The following RAD51B variants were observed in gnomAD, a reference collection of about 807,000 sequenced individuals.
RAD51B encodes the protein DNA repair protein RAD51 homolog 2.
RAD51B carries 38 observed loss-of-function variants against 42.2 expected under a neutral mutation model. The observed-to-expected ratio is 0.90, with a 90% CI of 0.70 to 1.18. The LOEUF (loss-of-function observed/expected upper bound fraction) is 1.18, where lower values mean the gene tolerates loss of function less well. Ranked by LOEUF, RAD51B falls within the 50% of genes most tolerant of loss-of-function variation. RAD51B has a pLI of 0.00. For synonymous variants in RAD51B, 154 were observed against 145.2 expected (o/e 1.06, Z -0.43); for missense variants, 373 against 400.7 (o/e 0.93, Z 0.59).
chr14:67,830,438 G>C (rs1285049626), intron 3 of RAD51B, among the ~76,000 whole-genome samples: 1 of 152,090 alleles, frequency 6.6e-6, no homozygotes. Flanking sequence ...GTCTCGCACT[G>C]TTGCCCAGGC....
At chr14:68,102,715 G>A (rs1305072751) in intron 7 of RAD51B, among the ~76,000 whole-genome samples, 2 of 152,096 alleles carry the variant, frequency 1.3e-5, no homozygotes, top group Non-Finnish European at 2.9e-5. Context: ...CCTCCAAACT[G>A]TTCCAAACCC....
At chr14:68,457,794 T>C (rs935666931) in intron 9 of RAD51B, among the ~76,000 whole-genome samples, 1 of 148,388 alleles carries the variant, frequency 6.7e-6, no homozygotes, top group Non-Finnish European at 1.5e-5. Flanking sequence ...TTTTTTTTTT[T>C]AGTAGAGACA....
chr14:68,356,138 T>A lies in RAD51B; in HGVS notation c.854-55286T>A, dbSNP rs143641574. Among the ~76,000 whole-genome samples, 1,155 of 146,856 alleles carry A rather than the reference T, an allele frequency of 7.9e-3. 43 individuals are homozygous for A. The highest frequency in any genetic ancestry group is 0.055 in the Admixed American group (818 of 14,908). Reference sequence around the variant, plus strand: ...ACATTTTTTGGTTTCCCAGTGCATATAAAAGTTATGTTGGCCGGGCGCGGT... The same window carrying A: ...ACATTTTTTGGTTTCCCAGTGCATAAAAAAGTTATGTTGGCCGGGCGCGGT... On this transcript the variant is annotated intron_variant, in intron 8 of 10. Coordinates refer to ENST00000471583, the MANE Select transcript of RAD51B (RefSeq NM_133510.4).
intron 7 of RAD51B, among the ~76,000 whole-genome samples, chr14:68,123,101 T>A (rs1254085388): frequency 6.6e-6 from 1 of 152,238 alleles, no homozygotes; most frequent in Non-Finnish European, 1.5e-5. Context: ...TTTTATGTTT[T>A]ATCATTTTCA....
chr14:68,079,595 G>A (rs1056817954), intron 7 of RAD51B, among the ~76,000 whole-genome samples: 3 of 152,104 alleles, frequency 2.0e-5, no homozygotes, highest in African/African-American at 4.8e-5. Flanking sequence ...GAATGAGCCT[G>A]CCTTTCAAAT....
intron 10 of RAD51B, among the ~76,000 whole-genome samples, chr14:68,515,848 T>C (rs1337047260): frequency 6.7e-6 from 1 of 149,478 alleles, no homozygotes; most frequent in Non-Finnish European, 1.5e-5. Flanking sequence ...TGCAGTGGCA[T>C]GATCTCGGCT....
intron 7 of RAD51B, among the ~76,000 whole-genome samples, chr14:68,145,082 A>G (rs1309286999): frequency 6.6e-6 from 1 of 152,226 alleles, no homozygotes; most frequent in Non-Finnish European, 1.5e-5. Flanking sequence ...AGAGCTGGAA[A>G]AGCCATTAAA....
chr14:68,576,773 G>A (rs911193074), intron 10 of RAD51B, among the ~76,000 whole-genome samples: 5 of 152,196 alleles, frequency 3.3e-5, no homozygotes, highest in Admixed American at 3.3e-4. Context: ...TAGTAAGGAA[G>A]GGGTCAGAGG....
At chr14:68,633,533 G>C (rs1892280007) in intron 10 of RAD51B, among the ~76,000 whole-genome samples, 1 of 152,204 alleles carries the variant, frequency 6.6e-6, no homozygotes, top group African/African-American at 2.4e-5. Context: ...CTGACCGTGA[G>C]AGTGCAGCTG....
intron 7 of RAD51B, among the ~76,000 whole-genome samples, chr14:67,997,719 A>G (rs1330525703): frequency 6.6e-6 from 1 of 152,104 alleles, no homozygotes; most frequent in African/African-American, 2.4e-5. Flanking sequence ...CAGCCTACCC[A>G]TGGTACTGTA....
intron 9 of RAD51B, among the ~76,000 whole-genome samples, chr14:68,424,308 G>T (rs986518194): frequency 2.6e-5 from 4 of 152,022 alleles, no homozygotes; most frequent in Non-Finnish European, 5.9e-5. Flanking sequence ...TATTATCCCA[G>T]CATCCTAATG....
intron 10 of RAD51B, among the ~76,000 whole-genome samples, chr14:68,550,564 G>A (rs1027247325): frequency 5.3e-5 from 8 of 152,240 alleles, no homozygotes; most frequent in African/African-American, 1.9e-4. Context: ...ACAGCATTTT[G>A]CCTGTTGGAA....
At chr14:68,022,482 G>A (rs964823846) in intron 7 of RAD51B, among the ~76,000 whole-genome samples, 26 of 152,066 alleles carry the variant, frequency 1.7e-4, no homozygotes, top group Non-Finnish European at 8.8e-5. Context: ...TGGTAGCTCT[G>A]TTTTAAGTTC....
At chr14:68,313,517 C>T (rs995759356) in intron 8 of RAD51B, among the ~76,000 whole-genome samples, 3 of 152,180 alleles carry the variant, frequency 2.0e-5, no homozygotes, top group Admixed American at 6.5e-5. Flanking sequence ...CCTTTAGTTC[C>T]GCTGCTGTCT....
chr14:68,472,957 T>C (rs969768749), intron 10 of RAD51B, among the ~76,000 whole-genome samples: 2 of 152,234 alleles, frequency 1.3e-5, no homozygotes, highest in Non-Finnish European at 2.9e-5. Flanking sequence ...CTTCTGTTTG[T>C]TCCCTTGTCA....
At chr14:68,582,247 A>G (rs1445254818) in intron 10 of RAD51B, among the ~76,000 whole-genome samples, 3 of 152,226 alleles carry the variant, frequency 2.0e-5, no homozygotes, top group Admixed American at 2.0e-4. Context: ...GAACATTTTT[A>G]CAATCTATCC....
At chr14:68,140,652 G>T (rs552572590) in intron 7 of RAD51B, among the ~76,000 whole-genome samples, 1 of 152,324 alleles carries the variant, frequency 6.6e-6, no homozygotes, top group African/African-American at 2.4e-5. Flanking sequence ...TCACTTTCAA[G>T]GTTCACTAAT....
chr14:68,384,944 A>G (rs951553792), intron 8 of RAD51B, among the ~76,000 whole-genome samples: 2 of 152,214 alleles, frequency 1.3e-5, no homozygotes, highest in Non-Finnish European at 2.9e-5. Context: ...CTCTGTGGCC[A>G]TGACCTTCTG....
rs556766817 is a variant in RAD51B at position 68,329,074 on chromosome 14, T to A, written c.853+37094T>A. On this transcript the variant is annotated intron_variant, in intron 8 of 10. Transcript: ENST00000471583. ...CCCAGGCTGGAGTGCAGTGGCATGA[T>A]CATAGCACACTATAACTTCACACTC... Among the ~76,000 whole-genome samples, 13 of 152,334 alleles carry A rather than the reference T, an allele frequency of 8.5e-5. No homozygotes were observed. In the East Asian group the frequency reaches 2.5e-3, roughly 29 times the overall value.
Sources: gnomAD v4.1 joint callset for allele counts (sites outside exome capture counted in the v4.1 genomes callset) on GRCh38, gnomAD v4.1.1 for gene constraint, MANE v1.5 for transcripts, NCBI Gene and HGNC (gene_info 2026-07-23, HGNC 2026-07-21) for gene names.